The following ZNF385B variants were observed in gnomAD, a reference collection of about 807,000 sequenced individuals.
ZNF385B encodes zinc finger protein 533.
Under a neutral mutation model 39.2 loss-of-function variants are expected in ZNF385B, and 23 were observed. The ratio of observed to expected loss-of-function variants is 0.59; its 90% CI spans 0.42 to 0.83. The LOEUF (loss-of-function observed/expected upper bound fraction) is 0.83, where lower values mean the gene tolerates loss of function less well. Among genes scored for constraint, ZNF385B ranks in the 40% least tolerant of loss-of-function variants. The pLI is 0.00. For synonymous variants in ZNF385B, 205 were observed against 222.6 expected, an observed-to-expected ratio of 0.92 and a Z score of 0.70; for missense variants, 552 against 598.9, an observed-to-expected ratio of 0.92 and a Z score of 0.82.
chr2:179,788,560 T>C (rs1204264870), intron 1 of ZNF385B, among the ~76,000 whole-genome samples: 1 of 152,064 alleles, frequency 6.6e-6, no homozygotes, highest in Non-Finnish European at 1.5e-5. Context: ...CCTGCAAACT[T>C]TGCTGAAGAA....
intron 1 of ZNF385B, among the ~76,000 whole-genome samples, chr2:179,800,337 A>G (rs570950710): frequency 1.3e-5 from 2 of 152,058 alleles, no homozygotes; most frequent in Non-Finnish European, 2.9e-5. Context: ...AATAAATAAG[A>G]GATTTATTTA....
intron 3 of ZNF385B, among the ~76,000 whole-genome samples, chr2:179,577,444 C>T (rs900079597): frequency 1.3e-5 from 2 of 151,998 alleles, no homozygotes; most frequent in Non-Finnish European, 2.9e-5. Context: ...GAATATGGTT[C>T]CTTTTCTTCT....
At chr2:179,845,873 T>C (rs1387335919) in intron 1 of ZNF385B, among the ~76,000 whole-genome samples, 2 of 152,204 alleles carry the variant, frequency 1.3e-5, no homozygotes, top group African/African-American at 4.8e-5. Flanking sequence ...CTATTGTCCA[T>C]CCCATTTAAT....
chr2:179,820,920 T>C (rs1559224956), intron 1 of ZNF385B, among the ~76,000 whole-genome samples: 1 of 152,166 alleles, frequency 6.6e-6, no homozygotes, highest in Non-Finnish European at 1.5e-5. Context: ...TATTGGTAAG[T>C]CTACACTTAC....
In ZNF385B at chr2:179,861,601, C is replaced by T. The variant is rs920532383; in HGVS notation, c.-655G>A. On this transcript the variant is annotated 5_prime_UTR_variant, in exon 1 of 10. Coordinates refer to ENST00000410066, the MANE Select transcript of ZNF385B (RefSeq NM_152520.6). Reference sequence around the variant, plus strand: ...AATGAGGCGGAACCGTTCGGGGGCTCGTTGACACTGCAGAGCCTCCCGCAG... The same window carrying T: ...AATGAGGCGGAACCGTTCGGGGGCTTGTTGACACTGCAGAGCCTCCCGCAG... 3.3e-5 allele frequency: 5 copies of T among 152,228 alleles called. No homozygotes were observed. The highest frequency in any genetic ancestry group is 1.2e-4 in the African/African-American group (5 of 41,466). 9.4% of individuals were successfully genotyped at this position (152,228 alleles called of 1,614,324 possible). A position where few individuals can be genotyped will look rare whatever the true frequency, so the allele number is the denominator to read the frequency against.
At chr2:179,516,177 A>T (rs2058079097) in intron 5 of ZNF385B, among the ~76,000 whole-genome samples, 1 of 151,780 alleles carries the variant, frequency 6.6e-6, no homozygotes, top group Non-Finnish European at 1.5e-5. Context: ...TAGTTTGTTT[A>T]TTGATCAGTT....
intron 3 of ZNF385B, among the ~76,000 whole-genome samples, chr2:179,589,548 G>A (rs764975928): frequency 6.6e-6 from 1 of 152,192 alleles, no homozygotes; most frequent in South Asian, 2.1e-4. Flanking sequence ...GCGCAGAGAA[G>A]GGGAAAGAAA....
chr2:179,746,508 G>A (rs1162453211), intron 3 of ZNF385B, among the ~76,000 whole-genome samples: 2 of 152,072 alleles, frequency 1.3e-5, no homozygotes, highest in Admixed American at 1.3e-4. Context: ...AAAAATGTGC[G>A]ATGCTATGCT....
intron 3 of ZNF385B, among the ~76,000 whole-genome samples, chr2:179,707,869 C>T (rs1196314826): frequency 6.6e-6 from 1 of 152,194 alleles, no homozygotes; most frequent in East Asian, 1.9e-4. Context: ...TCTGGTCAGA[C>T]TGGGGCAGAA....
In ZNF385B at chr2:179,454,299, T is replaced by C. The variant is rs142743629; in HGVS notation, c.716-7529A>G. 7.2e-5 allele frequency among the ~76,000 whole-genome samples: 11 copies of C among 152,312 alleles called. No homozygotes were observed. The East Asian group carries it at 2.1e-3, about 29-fold the overall frequency. ...TTGCCTAGAGATGTGGTAGCTGTCATGATGTTGTAGTGCAACACATTACTC... is the reference window on the plus strand; with the variant it reads ...TTGCCTAGAGATGTGGTAGCTGTCACGATGTTGTAGTGCAACACATTACTC... On this transcript the variant is annotated intron_variant, in intron 6 of 9. Coordinates refer to ENST00000410066, the MANE Select transcript of ZNF385B (RefSeq NM_152520.6).
chr2:179,510,723 A>G (rs2057614921), intron 5 of ZNF385B, among the ~76,000 whole-genome samples: 1 of 152,170 alleles, frequency 6.6e-6, no homozygotes, highest in South Asian at 2.1e-4. Flanking sequence ...GGGAAATTGC[A>G]TTTGTTGCAT....
chr2:179,503,323 A>G (rs1370026018), intron 5 of ZNF385B, among the ~76,000 whole-genome samples: 3 of 152,218 alleles, frequency 2.0e-5, no homozygotes, highest in Non-Finnish European at 4.4e-5. Flanking sequence ...TTGAAGAAAG[A>G]ATTTGGACCA....
At chr2:179,670,160 CG>C (rs1219815925) in intron 3 of ZNF385B, among the ~76,000 whole-genome samples, 2 of 151,858 alleles carry the variant, frequency 1.3e-5, no homozygotes, top group Non-Finnish European at 2.9e-5. Context: ...GGCGTGATGG[CG>C]GGCGCCTGTA....
At chr2:179,561,590 T>C (rs760595385) in intron 3 of ZNF385B, among the ~76,000 whole-genome samples, 2 of 150,244 alleles carry the variant, frequency 1.3e-5, no homozygotes, top group Admixed American at 6.7e-5. Context: ...TCTGATAATA[T>C]ATTTATCCAT....
chr2:179,859,603 C>T (rs1684879723), intron 1 of ZNF385B, among the ~76,000 whole-genome samples: 1 of 152,154 alleles, frequency 6.6e-6, no homozygotes. Flanking sequence ...GAATAGCTAT[C>T]TGATTTGTGG....
At chr2:179,604,001 C>T (rs1688609014) in intron 3 of ZNF385B, among the ~76,000 whole-genome samples, 1 of 152,138 alleles carries the variant, frequency 6.6e-6, no homozygotes, top group Non-Finnish European at 1.5e-5. Flanking sequence ...TAGGATCAGA[C>T]TATTTTAATG....
chr2:179,612,319 T>C (rs749239512), intron 3 of ZNF385B, among the ~76,000 whole-genome samples: 4 of 152,332 alleles, frequency 2.6e-5, no homozygotes, highest in Middle Eastern at 3.4e-3. Context: ...GCTAAGTATT[T>C]ATTGCAGTCT....
chr2:179,746,247 G>A (rs1428608781), intron 3 of ZNF385B, among the ~76,000 whole-genome samples: 1 of 152,102 alleles, frequency 6.6e-6, no homozygotes. Context: ...AAATAGCTCT[G>A]GCTTTTCAAC....
intron 3 of ZNF385B, among the ~76,000 whole-genome samples, chr2:179,760,168 A>T (rs1391339475): frequency 6.6e-6 from 1 of 150,810 alleles, no homozygotes; most frequent in Non-Finnish European, 1.5e-5. Flanking sequence ...ATTGACATTG[A>T]TCTGATGTAC....
Sources: gnomAD v4.1 joint callset for allele counts (sites outside exome capture counted in the v4.1 genomes callset) on GRCh38, gnomAD v4.1.1 for gene constraint, MANE v1.5 for transcripts, NCBI Gene and HGNC (gene_info 2026-07-23, HGNC 2026-07-21) for gene names.